Variants in TPO observed in about 807,000 individuals in gnomAD.
The protein encoded by TPO is thyroid peroxidase.
A neutral mutation model predicts 96.9 loss-of-function variants in TPO; 78 were observed. That is an observed-to-expected ratio of 0.81 (90% CI 0.67 to 0.97). The LOEUF is 0.97. Among genes scored for constraint, TPO ranks in the 50% least tolerant of loss-of-function variants. The probability of loss-of-function intolerance (pLI) is 0.00; values close to 1 mark genes in which losing one functional copy is unlikely to be tolerated. For synonymous variants in TPO, 547 were observed against 538.0 expected (o/e 1.02, Z -0.23); for missense variants, 1,252 against 1,274.8 (o/e 0.98, Z 0.27).
At chr2:1,492,146 G>A (rs2124905804) in intron 10 of TPO, among the ~76,000 whole-genome samples, 1 of 135,916 alleles carries the variant, frequency 7.4e-6, no homozygotes, top group Non-Finnish European at 1.6e-5. Context: ...TAAAAGCTCA[G>A]GATTTTTTTT....
At chr2:1,375,013 A>G (rs1039389897) in intron 1 of TPO, among the ~76,000 whole-genome samples, 1 of 152,050 alleles carries the variant, frequency 6.6e-6, no homozygotes, top group East Asian at 1.9e-4. Context: ...ACAGGCATGA[A>G]CCACTGCACC....
rs138835015 is a variant in TPO, at chr2:1,493,843, G to A, written c.1810G>A (p.Glu604Lys). 30 of 1,614,126 alleles carry A rather than the reference G, an allele frequency of 1.9e-5. No homozygotes were observed. In the African/African-American group the frequency reaches 4.0e-4, roughly 22 times the overall value. ...WREFCGLPRL[E>K]TPADLSTAIA... ...GGAGTTCTGCGGCCTGCCTCGCCTG[G>A]AGACCCCCGCTGACCTGAGCACAGC... Residue 604 changes from glutamate to lysine, a missense_variant, in exon 11 of 17, where the codon GAG becomes AAG. Coordinates refer to ENST00000329066, the MANE Select transcript of TPO (RefSeq NM_001206744.2).
chr2:1,391,871 C>T (rs1573056235), intron 1 of TPO, among the ~76,000 whole-genome samples: 1 of 152,226 alleles, frequency 6.6e-6, no homozygotes, highest in East Asian at 1.9e-4. Context: ...ATTTTGTATC[C>T]TGAGACTTTG....
rs149779595 is a variant in TPO, at chr2:1,501,783, G to A, written c.2387-2165G>A. ...AGGAGCCAGGGCATGCAGGAAGGAC[G>A]CCCCCCGACTCCCGAGAGCCTGCTG... On this transcript the variant is annotated intron_variant, in intron 13 of 16. Transcript: ENST00000329066. Among the ~76,000 whole-genome samples the A allele has an allele frequency of 7.9e-5, 12 of 152,148 alleles. No individual in the cohort carries two copies. The East Asian group carries it at 1.4e-3, about 17-fold the overall frequency.
At chr2:1,425,751 T>C (rs1040643418) in intron 3 of TPO, among the ~76,000 whole-genome samples, 3 of 152,028 alleles carry the variant, frequency 2.0e-5, no homozygotes, top group South Asian at 2.1e-4. Flanking sequence ...GTAAAGTCAT[T>C]GTTCTAGATG....
At position 1,496,188 on chromosome 2, in the gene TPO, T is replaced by C. The variant is rs777806010; in HGVS notation, c.2206T>C (p.Phe736Leu). ...GMNLEAWRET[F>L]PQDDKCGFPE... ...GAACCTGGAGGCCTGGAGGGAAACC[T>C]TTCCTCAAGGTGAAGTTCGGTCTCC... The change falls in exon 12 of 17, where the codon TTT becomes CTT. Residue 736 changes from phenylalanine (F) to leucine (L), a missense_variant. Physicochemically the swap from Phe to Leu is conservative, Grantham distance 22. Coordinates refer to ENST00000329066, the MANE Select transcript of TPO (RefSeq NM_001206744.2). 6.2e-7 allele frequency: 1 copy of C among 1,613,868 alleles called. No individual in the cohort carries two copies. The highest frequency in any genetic ancestry group is 8.5e-7 in the Non-Finnish European group (1 of 1,179,976).
At chr2:1,523,533 C>G (rs55823494) in intron 15 of TPO, among the ~76,000 whole-genome samples, 54 of 51,102 alleles carry the variant, frequency 1.1e-3, no homozygotes, top group African/African-American at 4.4e-3. Context: ...AAATCCCCCC[C>G]ACTCTGAGCA....
chr2:1,540,893 A>G, intron 16 of TPO, 170 bp downstream of exon 16: 1 of 1,546,756 alleles, frequency 6.5e-7, no homozygotes, highest in Non-Finnish European at 8.7e-7. Context: ...AATGACAGTG[A>G]GCCAGAATGT....
intron 5 of TPO, chr2:1,439,371 A>G (rs1222642291): frequency 6.5e-6 from 1 of 152,740 alleles, no homozygotes; most frequent in Non-Finnish European, 1.5e-5. Context: ...CACACATTGT[A>G]TTCCACCAAA....
Position 1,433,297 on chromosome 2 carries a change from C to CTT in TPO, c.180-141_180-140insTT, listed in dbSNP as rs1665215881. 3.8e-6 allele frequency: 4 copies of CTT among 1,039,918 alleles called. No individual in the cohort carries two copies. The East Asian group carries it at 1.0e-4, about 27-fold the overall frequency. The allele number at this position is 1,039,918 out of a possible 1,614,324, so 64.4% of individuals were successfully genotyped here. Reference sequence around the variant, plus strand: ...GTGGACAGCAACTGCACATGTTTTACCTGTGCACACCCCGCAGTGCCTGTC... The same window carrying CTT: ...GTGGACAGCAACTGCACATGTTTTACTTCTGTGCACACCCCGCAGTGCCTGTC... On this transcript the variant is annotated intron_variant, in intron 3 of 16. Coordinates refer to ENST00000329066, the MANE Select transcript of TPO (RefSeq NM_001206744.2).
chr2:1,410,674 C>T (rs974597283), upstream of TPO, among the ~76,000 whole-genome samples: 6 of 147,844 alleles, frequency 4.1e-5, no homozygotes, highest in East Asian at 6.1e-4. Flanking sequence ...TCGGTGGGCC[C>T]GGGACTGGAC....
chr2:1,498,826 C>T (rs186026627), intron 13 of TPO, among the ~76,000 whole-genome samples: 3 of 151,366 alleles, frequency 2.0e-5, no homozygotes, highest in Admixed American at 6.5e-5. Context: ...AAAAGGGTCA[C>T]GAATCGCAAG....
chr2:1,542,776 T>A lies in TPO; in HGVS notation c.*302T>A. The stretch of plus-strand genomic sequence containing the variant: ...GGAAACACCACTCTTGCAATCCTCC[T>A]GTCTCCACCTTCTGGCATCTCTGAT... On this transcript the variant is annotated 3_prime_UTR_variant, in exon 17 of 17. Transcript: ENST00000329066. The A allele has an allele frequency of 3.0e-6, 2 of 671,316 alleles. No individual in the cohort carries two copies. Among genetic ancestry groups the A allele is most frequent in the East Asian group, 3.5e-5 (1 of 28,358 alleles). The allele number at this position is 671,316 out of a possible 1,614,324, so 41.6% of individuals were successfully genotyped here. A position where few individuals can be genotyped will look rare whatever the true frequency, so the allele number is the denominator to read the frequency against.
intron 15 of TPO, among the ~76,000 whole-genome samples, chr2:1,530,584 G>A (rs1482563470): frequency 2.7e-4 from 27 of 100,924 alleles, no homozygotes; most frequent in Non-Finnish European, 4.7e-4. Flanking sequence ...CACGATGTGT[G>A]CAACCTCCCC....
chr2:1,509,243 C>G (rs548055932), intron 14 of TPO, among the ~76,000 whole-genome samples: 3 of 152,288 alleles, frequency 2.0e-5, no homozygotes, highest in African/African-American at 7.2e-5. Flanking sequence ...GCACTGTGGT[C>G]GGAGAGACGG....
At position 1,484,805 on chromosome 2, in the gene TPO, G is replaced by C; in HGVS notation, c.1548G>C (p.Gly516=). 1.2e-6 allele frequency: 2 copies of C among 1,614,066 alleles called. No homozygotes were observed. The highest frequency in any genetic ancestry group is 8.5e-7 in the Non-Finnish European group (1 of 1,180,052). Residue 516 remains glycine (G), a synonymous_variant, in exon 9 of 17, where the codon GGG becomes GGC. Transcript: ENST00000329066. ...TCCAGGAGCACCCCGACCTGCCCGG[G>C]CTGTGGCTGCACCAGGCTTTCTTCA... ...ASFQEHPDLP[G]LWLHQAFFSP...
chr2:1,521,092 T>C (rs1000599297), intron 15 of TPO, among the ~76,000 whole-genome samples: 2 of 152,250 alleles, frequency 1.3e-5, no homozygotes, highest in Non-Finnish European at 2.9e-5. Context: ...CCTATACCTT[T>C]TTGCTGTTTT....
At chr2:1,401,635 TG>T (rs1280147311) in intron 1 of TPO, among the ~76,000 whole-genome samples, 2 of 152,108 alleles carry the variant, frequency 1.3e-5, no homozygotes, top group Non-Finnish European at 2.9e-5. Flanking sequence ...CTTCTCCCTC[TG>T]CCCATCCTGC....
intron 15 of TPO, among the ~76,000 whole-genome samples, chr2:1,536,765 A>C: frequency 2.7e-5 from 2 of 75,384 alleles, no homozygotes. Flanking sequence ...AATCCCCATC[A>C]CTCTGTGTAA....
Sources: gnomAD v4.1 joint callset for allele counts (sites outside exome capture counted in the v4.1 genomes callset) on GRCh38, gnomAD v4.1.1 for gene constraint, MANE v1.5 for transcripts, NCBI Gene and HGNC (gene_info 2026-07-23, HGNC 2026-07-21) for gene names.